The following LHX8 variants were observed in gnomAD, a reference collection of about 807,000 sequenced individuals.
The protein encoded by LHX8 is LIM homeobox 8.
Under a neutral mutation model 40.3 loss-of-function variants are expected in LHX8, and 12 were observed. That is an observed-to-expected ratio of 0.30 (90% CI 0.19 to 0.48). The LOEUF is 0.48. LHX8 is among the 20% of genes least tolerant of loss of function. The probability of loss-of-function intolerance (pLI) is 0.99; values close to 1 mark genes in which losing one functional copy is unlikely to be tolerated. For missense variants in LHX8, 344 were observed against 433.7 expected (o/e 0.79, Z 1.84); for synonymous variants, 179 against 162.0 (o/e 1.10, Z -0.80).
chr1:75,167,456 T>C, the LHX8 span, among the ~76,000 whole-genome samples: 1 of 152,154 alleles, frequency 6.6e-6, no homozygotes, highest in Non-Finnish European at 1.5e-5. Context: ...CATCTTTCAC[T>C]AGCTTTCCCT....
chr1:75,198,623 C>G, the LHX8 span, among the ~76,000 whole-genome samples: 1 of 152,288 alleles, frequency 6.6e-6, no homozygotes, highest in African/African-American at 2.4e-5. Context: ...AGCCTCCATG[C>G]TATATCACTG....
the LHX8 span, among the ~76,000 whole-genome samples, chr1:75,188,957 A>G: frequency 7.4e-3 from 1,124 of 152,304 alleles, 17 homozygotes; most frequent in African/African-American, 0.026. Context: ...TCTCTCAAAT[A>G]GGATTTTATT....
Position 75,146,575 on chromosome 1 carries a change from G to C in LHX8, c.685-2012G>C, listed in dbSNP as rs575913766. 3.3e-5 allele frequency among the ~76,000 whole-genome samples: 5 copies of C among 152,218 alleles called. No individual in the cohort carries two copies. The South Asian group carries it at 1.0e-3, about 31-fold the overall frequency. ...CTGGTAGATCTCCTGGCCTAAAAAT[G>C]ATGAGTGTCTACAGAGGCTCACTCC... On this transcript the variant is annotated intron_variant, in intron 6 of 8. Coordinates refer to ENST00000356261, the MANE Select transcript of LHX8 (RefSeq NM_001256114.2).
the LHX8 span, among the ~76,000 whole-genome samples, chr1:75,180,379 T>C: frequency 6.6e-6 from 1 of 152,222 alleles, no homozygotes; most frequent in Non-Finnish European, 1.5e-5. Flanking sequence ...CTTGGAGGCT[T>C]TGTTCATTTC....
At chr1:75,142,980 ATTC>A (rs1325306876) in intron 4 of LHX8, 135 bp from the exon 5 acceptor site, 1 of 715,514 alleles carries the variant, frequency 1.4e-6, no homozygotes, top group Non-Finnish European at 2.4e-6. Flanking sequence ...AAAATAATTG[ATTC>A]TTGTTTCATT....
chr1:75,166,783 AG>A, the LHX8 span, among the ~76,000 whole-genome samples: 1 of 152,208 alleles, frequency 6.6e-6, no homozygotes, highest in South Asian at 2.1e-4. Flanking sequence ...GCACTTGCAA[AG>A]GGTCATCAAT....
the LHX8 span, among the ~76,000 whole-genome samples, chr1:75,182,048 G>T: frequency 6.6e-6 from 1 of 152,020 alleles, no homozygotes; most frequent in South Asian, 2.1e-4. Context: ...TTTGTGTTTG[G>T]GTTCTTGGTC....
the LHX8 span, among the ~76,000 whole-genome samples, chr1:75,178,378 A>G: frequency 1.3e-5 from 2 of 151,394 alleles, no homozygotes; most frequent in East Asian, 1.9e-4. Flanking sequence ...CAATGATTCA[A>G]CTTCTTCCTG....
At chr1:75,147,414 A>G (rs867834327) in intron 6 of LHX8, among the ~76,000 whole-genome samples, 5 of 152,224 alleles carry the variant, frequency 3.3e-5, no homozygotes, top group Admixed American at 6.5e-5. Context: ...GATACGAAAA[A>G]TAAGACATTC....
intron 7 of LHX8, among the ~76,000 whole-genome samples, chr1:75,151,930 T>C (rs1270294679): frequency 6.6e-6 from 1 of 152,218 alleles, no homozygotes; most frequent in African/African-American, 2.4e-5. Flanking sequence ...CCCTACCATT[T>C]GGAGAATATA....
At chr1:75,164,918 C>G (rs1649001122), downstream of LHX8, among the ~76,000 whole-genome samples, 1 of 152,044 alleles carries the variant, frequency 6.6e-6, no homozygotes, top group African/African-American at 2.4e-5. Flanking sequence ...AAGCAGTCCT[C>G]CCACCTGTCT....
the LHX8 span, among the ~76,000 whole-genome samples, chr1:75,196,492 G>A: frequency 4.3e-4 from 66 of 152,234 alleles, 2 homozygotes; most frequent in South Asian, 0.014. Context: ...CAGCCAGATA[G>A]CTTGCCCTGC....
chr1:75,143,991 AC>A, intron 6 of LHX8, 43 bp downstream of exon 6: 1 of 1,512,194 alleles, frequency 6.6e-7, no homozygotes, highest in Non-Finnish European at 9.2e-7. Context: ...GCCCCTCCCA[AC>A]CAAAAAAACA....
At chr1:75,174,981 G>A in the LHX8 span, among the ~76,000 whole-genome samples, 932 of 152,230 alleles carry the variant, frequency 6.1e-3, 10 homozygotes, top group African/African-American at 0.021. Context: ...CTTCCCTGGA[G>A]TCCCCAAATT....
intron 6 of LHX8, among the ~76,000 whole-genome samples, chr1:75,145,377 G>A (rs533574571): frequency 4.0e-4 from 61 of 152,100 alleles, no homozygotes; most frequent in African/African-American, 1.4e-3. Flanking sequence ...TAATTACAAG[G>A]TTGATAACTT....
upstream of LHX8, chr1:75,130,568 C>T (rs1557482623): frequency 5.0e-6 from 4 of 797,642 alleles, no homozygotes; most frequent in Admixed American, 7.0e-5. Context: ...CGGAGGCCCT[C>T]GCCCGCTTTT....
chr1:75,172,645 C>A, the LHX8 span, among the ~76,000 whole-genome samples: 1 of 152,172 alleles, frequency 6.6e-6, no homozygotes, highest in South Asian at 2.1e-4. Flanking sequence ...CTGAATTCTC[C>A]TGCCTTGAAT....
upstream of LHX8, among the ~76,000 whole-genome samples, chr1:75,134,056 T>G (rs997141346): frequency 6.6e-6 from 1 of 152,056 alleles, no homozygotes; most frequent in African/African-American, 2.4e-5. Context: ...TTCTGCTTGC[T>G]GCAGAAAGAG....
intron 6 of LHX8, among the ~76,000 whole-genome samples, chr1:75,147,979 A>G (rs1257219369): frequency 6.6e-6 from 1 of 152,244 alleles, no homozygotes; most frequent in Non-Finnish European, 1.5e-5. Context: ...AAAGGCTTAC[A>G]TCAGAATCAC....
Sources: allele counts gnomAD v4.1 joint callset (sites outside exome capture counted in the v4.1 genomes callset), GRCh38; gene constraint gnomAD v4.1.1; transcripts MANE v1.5; gene names NCBI Gene and HGNC (gene_info 2026-07-23, HGNC 2026-07-21).